The following MIA2 variants were observed in gnomAD, a reference collection of about 807,000 sequenced individuals.
MIA2 encodes melanoma inhibitory activity protein 2.
In MIA2, 127 loss-of-function variants were observed where a neutral mutation model predicts 167.8. The observed-to-expected ratio is 0.76, with a 90% CI of 0.66 to 0.88. The LOEUF is 0.88. Ranked by LOEUF, MIA2 falls within the 40% of genes least tolerant of loss-of-function variation. The pLI, the probability that MIA2 is intolerant of heterozygous loss-of-function variation, is 0.00. For missense variants in MIA2, 1,690 were observed against 1,624.7 expected (o/e 1.04, Z -0.69); for synonymous variants, 552 against 541.9 (o/e 1.02, Z -0.26).
intron 9 of MIA2, among the ~76,000 whole-genome samples, chr14:39,287,746 AG>A: frequency 6.6e-6 from 1 of 151,968 alleles, no homozygotes; most frequent in South Asian, 2.1e-4. Flanking sequence ...GTATTTTGGT[AG>A]AGACGGGGTT....
In MIA2 at chr14:39,388,052, T is replaced by A. The variant is rs981379789; in HGVS notation, c.*1100T>A. 1.3e-5 allele frequency: 2 copies of A among 152,296 alleles called. No homozygotes were observed. Among genetic ancestry groups the A allele is most frequent in the African/African-American group, 2.4e-5 (1 of 41,478 alleles). 9.4% of individuals were successfully genotyped at this position (152,296 alleles called of 1,614,324 possible). ...ACTTGCTATATTGCATTATTCTCTT[T>A]ATTGTAGTGGTCTGGAACTGAACCT... is the stretch of plus-strand genomic sequence containing the variant. On this transcript the variant is annotated 3_prime_UTR_variant, in exon 24 of 24. Coordinates refer to the MIA2 transcript ENST00000341502. The surrounding 1 kb of genome is among the most constrained non-coding windows in gnomAD (Gnocchi z 4.1).
chr14:39,338,057 AGAAAACAGATTGGTG>A (rs1448697849), intron 25 of MIA2, among the ~76,000 whole-genome samples: 2 of 152,224 alleles, frequency 1.3e-5, no homozygotes, highest in East Asian at 3.8e-4. Context: ...GTATAGAAAC[AGAAAACAGATTGGTG>A]GATTCAAGAG....
chr14:39,286,114 A>G (rs922411355), intron 9 of MIA2, among the ~76,000 whole-genome samples: 1 of 152,092 alleles, frequency 6.6e-6, no homozygotes, highest in African/African-American at 2.4e-5. Flanking sequence ...TGGAGGTTGT[A>G]GCTAGCCGAG....
chr14:39,244,806 C>A (rs540983275), intron 3 of MIA2, among the ~76,000 whole-genome samples: 21 of 150,526 alleles, frequency 1.4e-4, no homozygotes, highest in Non-Finnish European at 2.5e-4. Context: ...TTAAACAGGT[C>A]TCACTCTGTC....
chr14:39,279,179 G>T (rs1033023317), intron 7 of MIA2, among the ~76,000 whole-genome samples, 158 bp from the exon 8 acceptor site: 1 of 117,386 alleles, frequency 8.5e-6, no homozygotes. Context: ...AAAAAAAAAA[G>T]CATTTATTTT....
chr14:39,325,042 G>C (rs2067201130), intron 24 of MIA2, among the ~76,000 whole-genome samples: 1 of 152,164 alleles, frequency 6.6e-6, no homozygotes, highest in Non-Finnish European at 1.5e-5. Context: ...GGGCAACATG[G>C]CAAAACCCTG....
chr14:39,325,238 A>G (rs912826449), intron 24 of MIA2, among the ~76,000 whole-genome samples: 3 of 151,008 alleles, frequency 2.0e-5, no homozygotes, highest in Non-Finnish European at 3.0e-5. Flanking sequence ...AAAAAAAAAA[A>G]TGTTTTTAAA....
chr14:39,263,149 G>C (rs2055210626), intron 6 of MIA2, among the ~76,000 whole-genome samples: 1 of 152,036 alleles, frequency 6.6e-6, no homozygotes, highest in Admixed American at 6.6e-5. Context: ...ATTGGCTGTG[G>C]GTTTGTCATA....
intron 25 of MIA2, among the ~76,000 whole-genome samples, chr14:39,329,500 A>G (rs1024869736): frequency 6.6e-6 from 1 of 152,174 alleles, no homozygotes; most frequent in Non-Finnish European, 1.5e-5. Context: ...ACTATGTTGA[A>G]TAGGGGTGGT....
chr14:39,278,999 A>G (rs1052491616), intron 7 of MIA2, among the ~76,000 whole-genome samples: 1 of 152,068 alleles, frequency 6.6e-6, no homozygotes, highest in Non-Finnish European at 1.5e-5. Flanking sequence ...GGTCTCTACT[A>G]AAAATATGAA....
intron 6 of MIA2, among the ~76,000 whole-genome samples, chr14:39,268,057 C>G (rs1185946587): frequency 7.3e-5 from 11 of 150,048 alleles, no homozygotes; most frequent in Non-Finnish European, 1.3e-4. Context: ...TCGCTTCTGT[C>G]TTGTTAATGT....
chr14:39,268,590 A>T (rs1391901728), intron 6 of MIA2, among the ~76,000 whole-genome samples: 2 of 152,184 alleles, frequency 1.3e-5, no homozygotes, highest in African/African-American at 4.8e-5. Flanking sequence ...TGCTTGCCGG[A>T]GATGTAAGTA....
At chr14:39,323,932 C>T (rs2066956667) in intron 24 of MIA2, among the ~76,000 whole-genome samples, 1 of 152,198 alleles carries the variant, frequency 6.6e-6, no homozygotes, top group Non-Finnish European at 1.5e-5. Context: ...GGTAAGTTGT[C>T]ATCGGGTCTT....
At chr14:39,263,187 T>C (rs939824934) in intron 6 of MIA2, among the ~76,000 whole-genome samples, 3 of 152,188 alleles carry the variant, frequency 2.0e-5, no homozygotes, top group Non-Finnish European at 4.4e-5. Context: ...TGAGATATGT[T>C]CCATCAATAC....
rs929634675 is a variant in MIA2 at position 39,286,445 on chromosome 14, A to G, written c.2131-4574A>G. 5.3e-5 allele frequency among the ~76,000 whole-genome samples: 8 copies of G among 151,960 alleles called. No individual in the cohort carries two copies. In the South Asian group the frequency reaches 1.0e-3, roughly 20 times the overall value. ...CAGAGGGAGACTGTGGAGAGGGGAG[A>G]GGGGAGAGGGAGAGGGAGATTGTTT... On this transcript the variant is annotated intron_variant, in intron 9 of 28. Transcript: ENST00000640607.
chr14:39,345,426 A>G (rs1007585862), intron 25 of MIA2, among the ~76,000 whole-genome samples: 14 of 152,120 alleles, frequency 9.2e-5, no homozygotes, highest in South Asian at 2.1e-4. Context: ...AATATTACTG[A>G]AAGTTTGACA....
intron 13 of MIA2, 68 bp from the exon 14 acceptor site, chr14:39,299,796 T>G: frequency 6.6e-7 from 1 of 1,512,774 alleles, no homozygotes. Flanking sequence ...AGCTACATAA[T>G]GCCTTCTTGG....
At chr14:39,370,586 C>T in intron 23 of MIA2, 1 of 363,002 alleles carries the variant, frequency 2.8e-6, no homozygotes, top group Non-Finnish European at 5.7e-6. Context: ...TGGGGCTGCT[C>T]CGGCATCCTC....
intron 17 of MIA2, among the ~76,000 whole-genome samples, chr14:39,307,388 G>T (rs964875766): frequency 2.6e-4 from 30 of 114,312 alleles, no homozygotes; most frequent in Admixed American, 1.3e-3. Flanking sequence ...AAAGTTAAAA[G>T]AATTTTTTTT....
Sources: allele counts gnomAD v4.1 joint callset (sites outside exome capture counted in the v4.1 genomes callset), GRCh38; gene constraint gnomAD v4.1.1; non-coding constraint Gnocchi (gnomAD v3.1); transcripts MANE v1.5; gene names NCBI Gene and HGNC (gene_info 2026-07-23, HGNC 2026-07-21).